RBFOX1: variants seen among roughly 807,000 people sequenced by gnomAD.
RBFOX1 encodes the protein RNA binding fox-1 homolog 1.
In RBFOX1, 8 loss-of-function variants were observed where a neutral mutation model predicts 57.7. The ratio of observed to expected loss-of-function variants is 0.14; its 90% CI spans 0.08 to 0.25. The LOEUF (loss-of-function observed/expected upper bound fraction) is 0.25. RBFOX1 is among the 10% of genes least tolerant of loss of function. RBFOX1 has a pLI of 1.00. For synonymous variants in RBFOX1, 326 were observed against 222.4 expected (o/e 1.47, Z -4.15); for missense variants, 611 against 548.5 (o/e 1.11, Z -1.14).
chr16:6,425,891 GGT>G (rs2093911834), intron 2 of RBFOX1, among the ~76,000 whole-genome samples: 1 of 152,104 alleles, frequency 6.6e-6, no homozygotes, highest in South Asian at 2.1e-4. Flanking sequence ...ACAATTCCGT[GGT>G]ATTTAGTACA....
chr16:6,008,810 A>G (rs530614286), intron 4 of RBFOX1, among the ~76,000 whole-genome samples: 1 of 152,380 alleles, frequency 6.6e-6, no homozygotes, highest in East Asian at 1.9e-4. Flanking sequence ...GAACTGCTCC[A>G]GGAAAAATGT....
intron 1 of RBFOX1, among the ~76,000 whole-genome samples, chr16:5,413,192 C>A (rs948495664): frequency 2.0e-5 from 3 of 152,144 alleles, no homozygotes; most frequent in Non-Finnish European, 4.4e-5. Flanking sequence ...AAGTGGGGTG[C>A]CTCTTAACTA....
At chr16:6,125,977 T>C (rs2096586813) in intron 1 of RBFOX1, among the ~76,000 whole-genome samples, 1 of 152,200 alleles carries the variant, frequency 6.6e-6, no homozygotes, top group African/African-American at 2.4e-5. Flanking sequence ...TAGTCTTCCA[T>C]AATAATTGCT....
intron 3 of RBFOX1, among the ~76,000 whole-genome samples, chr16:6,674,991 T>G (rs66477608): frequency 6.6e-6 from 1 of 152,138 alleles, no homozygotes; most frequent in African/African-American, 2.4e-5. Context: ...CTGCAACCTC[T>G]GCCTCCCAGG....
chr16:7,676,672 C>A, intron 13 of RBFOX1, 102 bp from the exon 14 acceptor site: 1 of 977,300 alleles, frequency 1.0e-6, no homozygotes, highest in Non-Finnish European at 1.6e-6. Flanking sequence ...AACTTTAGCT[C>A]AGTAGATTTG....
At chr16:6,376,900 C>T (rs955752800) in intron 2 of RBFOX1, among the ~76,000 whole-genome samples, 1 of 152,118 alleles carries the variant, frequency 6.6e-6, no homozygotes. Context: ...AGATGTGTCA[C>T]TCCAATCTCT....
chr16:7,236,143 C>T (rs1424475915), intron 4 of RBFOX1, among the ~76,000 whole-genome samples: 2 of 152,152 alleles, frequency 1.3e-5, no homozygotes, highest in African/African-American at 2.4e-5. Context: ...ATATCCTGCT[C>T]ACCTAAACAT....
At chr16:7,039,464 G>C (rs1244888946) in intron 3 of RBFOX1, among the ~76,000 whole-genome samples, 1 of 152,162 alleles carries the variant, frequency 6.6e-6, no homozygotes, top group East Asian at 1.9e-4. Context: ...ACATGAGACA[G>C]AATCAAGTTC....
chr16:6,309,353 T>G (rs1013525120), intron 1 of RBFOX1, among the ~76,000 whole-genome samples: 2 of 152,154 alleles, frequency 1.3e-5, no homozygotes, highest in African/African-American at 4.8e-5. Flanking sequence ...TCTAAGGATT[T>G]CTTTGGAGTA....
rs1312814405 is a variant in RBFOX1 at position 7,563,747 on chromosome 16, G to C, written c.271-16030G>C. 5.3e-5 allele frequency among the ~76,000 whole-genome samples: 8 copies of C among 152,150 alleles called. No individual in the cohort carries two copies. In the Middle Eastern group the frequency reaches 0.014, roughly 259 times the overall value. On this transcript the variant is annotated intron_variant, in intron 5 of 15. Coordinates refer to ENST00000550418, the MANE Select transcript of RBFOX1 (RefSeq NM_018723.4). ...CCTCCCAAAGTGCTGGGATTACAGG[G>C]CTGAGCCACCGCACCCACTCTATTA...
intron 3 of RBFOX1, among the ~76,000 whole-genome samples, chr16:5,689,744 A>G (rs2050612816): frequency 6.6e-6 from 1 of 152,146 alleles, no homozygotes; most frequent in African/African-American, 2.4e-5. Flanking sequence ...GGAATACAAT[A>G]GAGAACAACA....
chr16:7,217,108 T>G (rs1050779117), intron 4 of RBFOX1, among the ~76,000 whole-genome samples: 5 of 143,218 alleles, frequency 3.5e-5, no homozygotes, highest in Non-Finnish European at 7.6e-5. Flanking sequence ...TTCCCTTCCC[T>G]TTCCTTTCCT....
At chr16:5,957,535 A>G (rs2059669303) in intron 4 of RBFOX1, among the ~76,000 whole-genome samples, 1 of 152,124 alleles carries the variant, frequency 6.6e-6, no homozygotes, top group South Asian at 2.1e-4. Context: ...ATAATTTCTA[A>G]TTGTTATATC....
Position 6,487,156 on chromosome 16 carries a change from G to GTGTC in RBFOX1, c.-63-167444_-63-167443insCTGT, listed in dbSNP as rs368797107. 1.8e-3 allele frequency among the ~76,000 whole-genome samples: 165 copies of GTGTC among 91,426 alleles called. 2 individuals carry two copies. In the South Asian group the frequency reaches 0.031, roughly 17 times the overall value. 60.0% of individuals were successfully genotyped at this position (91,426 alleles called of 152,430 possible). A position where few individuals can be genotyped will look rare whatever the true frequency, so the allele number is the denominator to read the frequency against. On this transcript the variant is annotated intron_variant, in intron 2 of 15. Coordinates refer to ENST00000550418, the MANE Select transcript of RBFOX1 (RefSeq NM_018723.4). ...AGTTGTGGGGTTTCTGTGTGTGTGT[G>GTGTC]TGTGTGTGTGTGTGTGTGTGTGTGT...
intron 3 of RBFOX1, among the ~76,000 whole-genome samples, chr16:6,768,008 A>G (rs1265366321): frequency 6.6e-6 from 1 of 151,176 alleles, no homozygotes; most frequent in African/African-American, 2.4e-5. Flanking sequence ...AAAACTGGAC[A>G]AAACTGGGAG....
chr16:6,181,955 C>T (rs141271517), intron 1 of RBFOX1, among the ~76,000 whole-genome samples: 4 of 152,090 alleles, frequency 2.6e-5, no homozygotes, highest in Non-Finnish European at 2.9e-5. Context: ...TTGGCAATTA[C>T]GGAGGATGTT....
intron 4 of RBFOX1, among the ~76,000 whole-genome samples, chr16:5,958,059 G>C (rs1262089146): frequency 6.6e-6 from 1 of 152,014 alleles, no homozygotes; most frequent in Non-Finnish European, 1.5e-5. Flanking sequence ...GGCATCTTTA[G>C]ACCAAAGAAT....
At chr16:5,485,345 C>CTAAA (rs2069692090) in intron 2 of RBFOX1, among the ~76,000 whole-genome samples, 3 of 51,668 alleles carry the variant, frequency 5.8e-5, no homozygotes, top group African/African-American at 2.1e-4. Flanking sequence ...GACTCCGTGT[C>CTAAA]AAAAAAAAAA....
At chr16:6,752,728 A>G (rs898533956) in intron 3 of RBFOX1, among the ~76,000 whole-genome samples, 2 of 152,244 alleles carry the variant, frequency 1.3e-5, no homozygotes, top group African/African-American at 4.8e-5. Flanking sequence ...CTTGATTTCA[A>G]AACTTTCCTA....
Sources: gnomAD v4.1 joint callset for allele counts (sites outside exome capture counted in the v4.1 genomes callset) on GRCh38, gnomAD v4.1.1 for gene constraint, MANE v1.5 for transcripts, NCBI Gene and HGNC (gene_info 2026-07-23, HGNC 2026-07-21) for gene names.